The following RMDN2 variants were observed in gnomAD, a reference collection of about 807,000 sequenced individuals.
The protein encoded by RMDN2 is regulator of microtubule dynamics protein 2.
In RMDN2, 61 loss-of-function variants were observed where a neutral mutation model predicts 52.8. The observed-to-expected ratio is 1.16, with a 90% CI of 0.94 to 1.43. The LOEUF (loss-of-function observed/expected upper bound fraction) is 1.43, where lower values mean the gene tolerates loss of function less well. RMDN2 is among the 40% of genes most tolerant of loss of function. The pLI is 0.00. For missense variants in RMDN2, 592 were observed against 475.3 expected, an observed-to-expected ratio of 1.25 and a Z score of -2.28; for synonymous variants, 180 against 153.1, an observed-to-expected ratio of 1.18 and a Z score of -1.30.
chr2:37,971,770 A>T (rs11893986), intron 2 of RMDN2, among the ~76,000 whole-genome samples: 87,759 of 151,832 alleles, frequency 0.58, 26,448 homozygotes, highest in East Asian at 0.9. Context: ...TAGGTCCTAA[A>T]ATCTGGTGGG....
At chr2:38,016,030 T>C (rs1210720685) in intron 10 of RMDN2, among the ~76,000 whole-genome samples, 1 of 152,188 alleles carries the variant, frequency 6.6e-6, no homozygotes, top group Non-Finnish European at 1.5e-5. Flanking sequence ...TATTAAGTGC[T>C]TGAAACATAA....
chr2:37,939,715 G>A (rs1558444862), intron 2 of RMDN2, among the ~76,000 whole-genome samples: 1 of 152,100 alleles, frequency 6.6e-6, no homozygotes, highest in African/African-American at 2.4e-5. Flanking sequence ...TGCAAACCCT[G>A]CTTTTTTTAG....
intron 2 of RMDN2, among the ~76,000 whole-genome samples, chr2:37,949,749 G>C (rs1668555611): frequency 6.6e-6 from 1 of 152,026 alleles, no homozygotes; most frequent in South Asian, 2.1e-4. Context: ...AAATTGCACA[G>C]TAAATAAAAG....
At chr2:37,949,747 C>G (rs539054561) in intron 2 of RMDN2, among the ~76,000 whole-genome samples, 1 of 151,994 alleles carries the variant, frequency 6.6e-6, no homozygotes, top group Admixed American at 6.6e-5. Context: ...GGAAATTGCA[C>G]AGTAAATAAA....
chr2:38,041,011 AT>A (rs1316501655), intron 10 of RMDN2, among the ~76,000 whole-genome samples: 3 of 152,100 alleles, frequency 2.0e-5, no homozygotes, highest in Admixed American at 2.0e-4. Context: ...TCAAATTCCA[AT>A]TGTTTATTAC....
intron 7 of RMDN2, among the ~76,000 whole-genome samples, chr2:37,996,572 C>T (rs1375907741): frequency 9.1e-6 from 1 of 110,130 alleles, no homozygotes; most frequent in Non-Finnish European, 1.9e-5. Context: ...GCCTGAGCAA[C>T]AAGGTGAGAC....
rs71414270 is a variant in RMDN2, at chr2:38,039,047, T to TACACACACACACAC, written c.1714-27901_1714-27888dup. Among the ~76,000 whole-genome samples the TACACACACACACAC allele has an allele frequency of 2.6e-4, 33 of 127,392 alleles. 1 individual carries two copies. The highest frequency in any genetic ancestry group is 4.9e-4 in the Non-Finnish European group (28 of 56,934). The allele number at this position is 127,392 out of a possible 152,430, so 83.6% of individuals were successfully genotyped here. A position where few individuals can be genotyped will look rare whatever the true frequency, so the allele number is the denominator to read the frequency against. On this transcript the variant is annotated intron_variant, in intron 10 of 10. Transcript: ENST00000234195. ...GCAACAGTTTAAAAGCCAGATGCTA[T>TACACACACACACAC]ACACACACACACACACACACACACA... is the stretch of plus-strand genomic sequence containing the variant.
At chr2:38,051,011 T>A (rs1681563738) in intron 10 of RMDN2, among the ~76,000 whole-genome samples, 1 of 152,122 alleles carries the variant, frequency 6.6e-6, no homozygotes, top group South Asian at 2.1e-4. Context: ...GATCCGCCCA[T>A]CTCAGAGTTG....
intron 10 of RMDN2, among the ~76,000 whole-genome samples, chr2:38,010,492 G>C (rs1357238800): frequency 2.0e-5 from 3 of 152,184 alleles, no homozygotes; most frequent in African/African-American, 7.2e-5. Context: ...GGCTCCATGG[G>C]CATAGGACCC....
At chr2:37,939,497 A>G (rs1452039178) in intron 2 of RMDN2, among the ~76,000 whole-genome samples, 1 of 152,094 alleles carries the variant, frequency 6.6e-6, no homozygotes, top group Non-Finnish European at 1.5e-5. Flanking sequence ...GGGGTGTTAA[A>G]TTCTCCCACT....
At chr2:37,951,713 A>C (rs746805856) in intron 2 of RMDN2, 7 of 1,612,544 alleles carry the variant, frequency 4.3e-6, no homozygotes, top group Non-Finnish European at 5.9e-6. Context: ...CTAAAACTTC[A>C]AGTAATACTG....
chr2:37,929,094 T>C (rs1416415689), intron 1 of RMDN2, among the ~76,000 whole-genome samples, 168 bp from the exon 2 acceptor site: 2 of 152,244 alleles, frequency 1.3e-5, no homozygotes, highest in Admixed American at 1.3e-4. Context: ...CTAAGACTCT[T>C]ACAACAGTAT....
At chr2:38,030,508 G>A (rs1403085341) in intron 10 of RMDN2, 1 of 152,152 alleles carries the variant, frequency 6.6e-6, no homozygotes, top group Admixed American at 6.5e-5. Context: ...AAAGATGACT[G>A]ATGATGTTTA....
chr2:38,064,004 A>G (rs1682165775), intron 10 of RMDN2, among the ~76,000 whole-genome samples: 1 of 152,186 alleles, frequency 6.6e-6, no homozygotes, highest in Admixed American at 6.5e-5. Context: ...GTGTGTATAT[A>G]TACATACATA....
intron 10 of RMDN2, among the ~76,000 whole-genome samples, chr2:38,065,889 A>G (rs1682256756): frequency 6.6e-6 from 1 of 152,230 alleles, no homozygotes; most frequent in Non-Finnish European, 1.5e-5. Context: ...CAGTGTGGTG[A>G]GGATTCCCGC....
intron 8 of RMDN2, 86 bp from the exon 9 acceptor site, chr2:38,003,905 A>G: frequency 9.4e-7 from 1 of 1,063,878 alleles, no homozygotes; most frequent in South Asian, 1.3e-5. Context: ...ATAATATTTG[A>G]TTTATTTAAA....
chr2:38,042,426 A>ACACACCACACACACACACACACAC, intron 10 of RMDN2, among the ~76,000 whole-genome samples: 2 of 144,276 alleles, frequency 1.4e-5, no homozygotes, highest in East Asian at 4.0e-4. Flanking sequence ...CACACACACC[A>ACACACCACACACACACACACACAC]CACACACACA....
At chr2:37,973,918 G>C (rs944427182) in intron 2 of RMDN2, 122 bp from the exon 3 acceptor site, 2 of 724,792 alleles carry the variant, frequency 2.8e-6, no homozygotes, top group Non-Finnish European at 4.5e-6. Flanking sequence ...CTGAGTGAAA[G>C]CACGTGCCAC....
intron 10 of RMDN2, among the ~76,000 whole-genome samples, chr2:38,023,392 TAGAAAATGTAA>T (rs1204563880): frequency 6.6e-6 from 1 of 152,210 alleles, no homozygotes; most frequent in Non-Finnish European, 1.5e-5. Flanking sequence ...AAAACAAAGC[TAGAAAATGTAA>T]AGAAAAATCT....
Sources: allele counts gnomAD v4.1 joint callset (sites outside exome capture counted in the v4.1 genomes callset), GRCh38; gene constraint gnomAD v4.1.1; transcripts MANE v1.5; gene names NCBI Gene and HGNC (gene_info 2026-07-23, HGNC 2026-07-21).